KDM5A: variants seen among roughly 807,000 people sequenced by gnomAD.
KDM5A encodes the protein lysine demethylase 5A.
In KDM5A, 42 loss-of-function variants were observed where a neutral mutation model predicts 193.5. The ratio of observed to expected loss-of-function variants is 0.22; its 90% CI spans 0.17 to 0.28. The LOEUF (loss-of-function observed/expected upper bound fraction) is 0.28. Among genes scored for constraint, KDM5A ranks in the 10% least tolerant of loss-of-function variants. KDM5A has a pLI of 1.00. For missense variants in KDM5A, 1,692 were observed against 2,055.1 expected, an observed-to-expected ratio of 0.82 and a Z score of 3.42; for synonymous variants, 796 against 718.1, an observed-to-expected ratio of 1.11 and a Z score of -1.73.
chr12:331,235 T>C (rs1021056313), intron 13 of KDM5A, among the ~76,000 whole-genome samples: 2 of 152,188 alleles, frequency 1.3e-5, no homozygotes, highest in Non-Finnish European at 2.9e-5. Context: ...CTGATCACCT[T>C]AATAAGTCCC....
At position 376,904 on chromosome 12, in the gene KDM5A, A is replaced by G. The variant is rs907629911; in HGVS notation, c.366+7127T>C. On this transcript the variant is annotated intron_variant, in intron 3 of 27. Transcript: ENST00000399788. ...TTGAAGATAGTGATAAGCCAAAACAATAACAAAAACAGACAAACAAAAATT... is the reference window on the plus strand; with the variant it reads ...TTGAAGATAGTGATAAGCCAAAACAGTAACAAAAACAGACAAACAAAAATT... 5.9e-5 allele frequency among the ~76,000 whole-genome samples: 9 copies of G among 152,364 alleles called. No individual in the cohort carries two copies. The South Asian group carries it at 1.0e-3, about 18-fold the overall frequency.
intron 24 of KDM5A, among the ~76,000 whole-genome samples, chr12:302,969 C>T (rs1943463143): frequency 6.6e-6 from 1 of 152,188 alleles, no homozygotes; most frequent in African/African-American, 2.4e-5. Flanking sequence ...CAATGAGATA[C>T]CATCTCACAC....
intron 14 of KDM5A, among the ~76,000 whole-genome samples, chr12:325,762 C>A (rs1274327797): frequency 6.6e-6 from 1 of 152,112 alleles, no homozygotes; most frequent in Non-Finnish European, 1.5e-5. Context: ...GCCTGTAATC[C>A]CAGCACTTTG....
Position 307,973 on chromosome 12 carries a change from C to T in KDM5A, c.3411G>A (p.Glu1137=), listed in dbSNP as rs762643361. ...CTCTGAGAGAATGCATGGCTTCAAT[C>T]TCTTTTTGCTCCCGTTCTTTGAAAA... ...VAVFKEREQK[E]IEAMHSLRAA... The change falls in exon 23 of 28, where the codon GAG becomes GAA. Residue 1137 remains glutamate, a synonymous_variant. Coordinates refer to ENST00000399788, the MANE Select transcript of KDM5A (RefSeq NM_001042603.3). This position sits in a 1 kb window ranked among gnomAD's most constrained non-coding sequence, Gnocchi z 4.3. 4.3e-6 allele frequency: 7 copies of T among 1,614,160 alleles called. No individual in the cohort carries two copies. The highest frequency in any genetic ancestry group is 1.1e-5 in the South Asian group (1 of 91,088).
At chr12:316,760 T>C (rs149759958) in intron 19 of KDM5A, among the ~76,000 whole-genome samples, 41 of 152,346 alleles carry the variant, frequency 2.7e-4, no homozygotes, top group African/African-American at 9.1e-4. Context: ...AATTTTAGTA[T>C]GTATTCTGCA....
Position 283,383 on chromosome 12 carries a change from AACTT to A in KDM5A, c.*2069_*2072del, listed in dbSNP as rs1266949569. The A allele has an allele frequency of 4.3e-6, 1 of 232,680 alleles. No homozygotes were observed. The highest frequency in any genetic ancestry group is 8.5e-6 in the Non-Finnish European group (1 of 117,514). The allele number at this position is 232,680 out of a possible 1,614,324, so 14.4% of individuals were successfully genotyped here. On this transcript the variant is annotated 3_prime_UTR_variant, in exon 28 of 28. Coordinates refer to ENST00000399788, the MANE Select transcript of KDM5A (RefSeq NM_001042603.3). The stretch of plus-strand genomic sequence containing the variant: ...CCATTGAAATCTTCGATCATACACA[AACTT>A]ACTTCAGATGAGACCTCAAGACATA...
chr12:333,418 C>CA (rs368831699), intron 12 of KDM5A, 69 bp downstream of exon 12: 399 of 1,508,808 alleles, frequency 2.6e-4, no homozygotes, highest in South Asian at 2.8e-4. Flanking sequence ...GACCCTGTTT[C>CA]AAAAAAAAAG....
At position 284,239 on chromosome 12, in the gene KDM5A, T is replaced by C. The variant is rs1943190598; in HGVS notation, c.*1217A>G. 3 of 223,472 alleles carry C rather than the reference T, an allele frequency of 1.3e-5. No individual in the cohort carries two copies. Among genetic ancestry groups the C allele is most frequent in the African/African-American group, 2.2e-5 (1 of 44,666 alleles). The allele number at this position is 223,472 out of a possible 1,614,324, so 13.8% of individuals were successfully genotyped here. ...GTAAATATATATATTTATATATTCATATATGTATATTAAAAAAGGAAAAAT... is the reference window on the plus strand; with the variant it reads ...GTAAATATATATATTTATATATTCACATATGTATATTAAAAAAGGAAAAAT... On this transcript the variant is annotated 3_prime_UTR_variant, in exon 28 of 28. Transcript: ENST00000399788.
intron 10 of KDM5A, among the ~76,000 whole-genome samples, chr12:336,407 C>T (rs1326261677): frequency 6.9e-6 from 1 of 145,776 alleles, no homozygotes. Context: ...CAAAGTCCAA[C>T]ACAGGTTTAA....
chr12:376,685 G>A (rs1944509494), intron 3 of KDM5A, among the ~76,000 whole-genome samples: 1 of 152,216 alleles, frequency 6.6e-6, no homozygotes, highest in Admixed American at 6.5e-5. Context: ...GCTGGGAGCT[G>A]TAGACCGGAG....
At chr12:332,396 G>A (rs1359363912) in intron 12 of KDM5A, among the ~76,000 whole-genome samples, 2 of 152,062 alleles carry the variant, frequency 1.3e-5, no homozygotes, top group Non-Finnish European at 2.9e-5. Flanking sequence ...ATCTCACTTT[G>A]TTTTACAATA....
Position 309,939 on chromosome 12 carries a change from C to T in KDM5A, c.3242G>A (p.Gly1081Asp), listed in dbSNP as rs1024730101. The T allele has an allele frequency of 9.9e-6, 16 of 1,613,542 alleles. No homozygotes were observed. Among genetic ancestry groups the T allele is most frequent in the Non-Finnish European group, 1.4e-5 (16 of 1,179,942 alleles). Residue 1081 changes from glycine (G) to aspartate (D), a missense_variant, in exon 22 of 28, where the codon GGT (glycine) becomes GAT (aspartate). Gly to Asp is a moderately conservative substitution (Grantham distance 94). This residue lies in a region of KDM5A where 965 missense variants were observed against 1,061.0 expected (regional missense o/e 0.91). Transcript: ENST00000399788. ...LQVLSPRTDI[G>D]VYGSGKNRRK... The stretch of plus-strand genomic sequence containing the variant: ...CCTATTTTTGCCACTCCCATATACA[C>T]CAATGTCGGTCCGGGGGCTCAGCAC...
intron 5 of KDM5A, among the ~76,000 whole-genome samples, chr12:362,122 C>T (rs972182537): frequency 2.6e-5 from 4 of 151,978 alleles, no homozygotes; most frequent in Non-Finnish European, 5.9e-5. Context: ...ATTAGGATTC[C>T]GTGAAGGTGC....
Position 302,138 on chromosome 12 carries a change from C to T in KDM5A, c.4074+4808G>A, listed in dbSNP as rs542587432. On this transcript the variant is annotated intron_variant, in intron 24 of 27. Coordinates refer to ENST00000399788, the MANE Select transcript of KDM5A (RefSeq NM_001042603.3). ...ATTCAATGCTATTCCCATCAAGCTA[C>T]CACTGACTTTCTTCACAGAACTGGA... 2.0e-5 allele frequency among the ~76,000 whole-genome samples: 3 copies of T among 152,306 alleles called. No homozygotes were observed. In the South Asian group the frequency reaches 6.2e-4, roughly 32 times the overall value.
intron 24 of KDM5A, among the ~76,000 whole-genome samples, chr12:299,162 G>C (rs1240016230): frequency 6.6e-6 from 1 of 152,102 alleles, no homozygotes; most frequent in East Asian, 1.9e-4. Flanking sequence ...AACCTAGCAA[G>C]GCAGGCCAAC....
intron 27 of KDM5A, among the ~76,000 whole-genome samples, chr12:290,768 T>C (rs902008549): frequency 6.6e-6 from 1 of 151,238 alleles, no homozygotes; most frequent in African/African-American, 2.4e-5. Context: ...ACAACAGGAA[T>C]AATGGATGAA....
intron 10 of KDM5A, among the ~76,000 whole-genome samples, chr12:348,476 G>T (rs1018793415): frequency 1.3e-5 from 2 of 152,118 alleles, no homozygotes; most frequent in African/African-American, 4.8e-5. Context: ...GTTTATTGCG[G>T]CAGTATTCAC....
chr12:338,785 G>C (rs987213697), intron 10 of KDM5A, among the ~76,000 whole-genome samples: 1 of 152,128 alleles, frequency 6.6e-6, no homozygotes, highest in Non-Finnish European at 1.5e-5. Context: ...TGACAATACG[G>C]AACAAGGAGG....
chr12:329,757 A>C (rs1943838558), intron 13 of KDM5A, among the ~76,000 whole-genome samples: 1 of 152,194 alleles, frequency 6.6e-6, no homozygotes, highest in South Asian at 2.1e-4. Flanking sequence ...GAAAATTTCC[A>C]TAATTATCAA....
Sources: allele counts gnomAD v4.1 joint callset (sites outside exome capture counted in the v4.1 genomes callset), GRCh38; gene constraint gnomAD v4.1.1; regional missense constraint gnomAD v4.1.1; non-coding constraint Gnocchi (gnomAD v3.1); transcripts MANE v1.5; gene names NCBI Gene and HGNC (gene_info 2026-07-23, HGNC 2026-07-21).